The following PARVB variants were observed in gnomAD, a reference collection of about 807,000 sequenced individuals.
PARVB encodes beta-parvin.
In PARVB, 46 loss-of-function variants were observed where a neutral mutation model predicts 47.0. That is an observed-to-expected ratio of 0.98 (90% CI 0.77 to 1.25). The LOEUF is 1.25. Ranked by LOEUF, PARVB falls within the 50% of genes most tolerant of loss-of-function variation. The pLI, the probability that PARVB is intolerant of heterozygous loss-of-function variation, is 0.00. For synonymous variants in PARVB, 196 were observed against 196.3 expected, an observed-to-expected ratio of 1.00 and a Z score of 0.01; for missense variants, 473 against 471.6, an observed-to-expected ratio of 1.00 and a Z score of -0.03.
Position 44,172,609 on chromosome 22 carries a change from G to A in PARVB, c.*3931G>A, listed in dbSNP as rs573739063. The stretch of plus-strand genomic sequence containing the variant: ...AAGCACCGAGCCCAGAGTCCCGCTG[G>A]GCCGTGGTGTCCTAATTGTCTTGGT... On this transcript the variant is annotated 3_prime_UTR_variant, in exon 13 of 13. Transcript: ENST00000338758. 3 of 219,524 alleles carry A rather than the reference G, an allele frequency of 1.4e-5. No homozygotes were observed. Among genetic ancestry groups the A allele is most frequent in the East Asian group, 3.1e-4 (2 of 6,416 alleles). 13.6% of individuals were successfully genotyped at this position (219,524 alleles called of 1,614,324 possible).
intron 2 of PARVB, among the ~76,000 whole-genome samples, chr22:44,009,683 TTAA>T (rs1246178214): frequency 6.6e-6 from 1 of 151,242 alleles, no homozygotes; most frequent in Non-Finnish European, 1.5e-5. Flanking sequence ...AACTCTCTTG[TTAA>T]TATATAAACC....
At chr22:44,107,551 T>G (rs1035905994) in intron 3 of PARVB, 1 of 152,190 alleles carries the variant, frequency 6.6e-6, no homozygotes, top group African/African-American at 2.4e-5. Flanking sequence ...ACGAGGTGAC[T>G]CAGGGTGGGG....
intron 1 of PARVB, among the ~76,000 whole-genome samples, chr22:44,069,327 G>A (rs2034690527): frequency 6.6e-6 from 1 of 152,148 alleles, no homozygotes; most frequent in Admixed American, 6.5e-5. Flanking sequence ...TAGGACGATG[G>A]GCAAGGGGGT....
intron 1 of PARVB, among the ~76,000 whole-genome samples, chr22:44,090,603 G>A (rs986839373): frequency 2.0e-5 from 3 of 152,320 alleles, no homozygotes; most frequent in East Asian, 1.9e-4. Flanking sequence ...CACTTGCCCC[G>A]AGGTCTCCCT....
At chr22:44,048,106 G>A (rs1024782775) in intron 1 of PARVB, among the ~76,000 whole-genome samples, 9 of 152,286 alleles carry the variant, frequency 5.9e-5, no homozygotes, top group East Asian at 3.9e-4. Context: ...GAACAGATGC[G>A]CGGACACAGA....
Position 44,024,404 on chromosome 22 carries a change from T to TG in PARVB, c.68dup (p.Lys24GlnfsTer17). 8.0e-7 allele frequency: 1 copy of TG among 1,251,312 alleles called. No homozygotes were observed. The highest frequency in any genetic ancestry group is 1.0e-6 in the Non-Finnish European group (1 of 983,830). The allele number at this position is 1,251,312 out of a possible 1,614,324, so 77.5% of individuals were successfully genotyped here. A position where few individuals can be genotyped will look rare whatever the true frequency, so the allele number is the denominator to read the frequency against. On this transcript the variant is annotated frameshift_variant, in exon 1 of 13. Coordinates refer to ENST00000338758, the MANE Select transcript of PARVB (RefSeq NM_013327.5). LOFTEE classifies it high-confidence loss of function. ...AGGATGAAGAAGGACGAGTCGTTCC[T>TG]GGGCAAGCTGGGCGGCACCCTGGCC...
intron 1 of PARVB, among the ~76,000 whole-genome samples, chr22:44,071,822 T>A (rs2051660915): frequency 6.6e-6 from 1 of 152,254 alleles, no homozygotes. Flanking sequence ...TCTACTTTCC[T>A]TGTCAGTAAA....
intron 1 of PARVB, among the ~76,000 whole-genome samples, chr22:44,055,410 G>A (rs539492300): frequency 6.7e-6 from 1 of 149,228 alleles, no homozygotes; most frequent in Non-Finnish European, 1.5e-5. Flanking sequence ...TCTCGGCTCA[G>A]TGCAACCTCT....
chr22:44,117,296 C>T (rs2052930141), intron 3 of PARVB, among the ~76,000 whole-genome samples: 1 of 150,148 alleles, frequency 6.7e-6, no homozygotes, highest in South Asian at 2.1e-4. Flanking sequence ...ATGTAAGGGT[C>T]AGGGGAGTCA....
chr22:44,110,099 C>G (rs571290042), intron 3 of PARVB: 5 of 106,242 alleles, frequency 4.7e-5, no homozygotes, highest in African/African-American at 1.1e-4. Context: ...GGCGACAGAG[C>G]GAGACTCCGT....
At position 44,068,919 on chromosome 22, in the gene PARVB, T is replaced by G; in HGVS notation, c.113-25009T>G. ...CCCTGGCCCATGAGGCTGATGGGAG[T>G]CAAGACAGAAATAGTGGTCTGTGGT... On this transcript the variant is annotated intron_variant, in intron 1 of 12. Transcript: ENST00000338758. This position sits in a 1 kb window ranked among gnomAD's most constrained non-coding sequence, Gnocchi z 4.1. 6 of 544,892 alleles carry G rather than the reference T, an allele frequency of 1.1e-5. No individual in the cohort carries two copies. The highest frequency in any genetic ancestry group is 2.6e-5 in the South Asian group (1 of 37,810). 33.8% of individuals were successfully genotyped at this position (544,892 alleles called of 1,614,324 possible).
At chr22:44,086,742 G>C (rs1313466640) in intron 1 of PARVB, 1 of 985,262 alleles carries the variant, frequency 1.0e-6, no homozygotes, top group Non-Finnish European at 1.2e-6. Flanking sequence ...AAACTGCTCT[G>C]TTAAGAAGAC....
upstream of PARVB, among the ~76,000 whole-genome samples, chr22:44,019,330 C>T (rs910469174): frequency 1.3e-5 from 2 of 152,182 alleles, no homozygotes; most frequent in Non-Finnish European, 2.9e-5. Context: ...GGTGATTCTC[C>T]TGCCTCAGCC....
intron 3 of PARVB, among the ~76,000 whole-genome samples, chr22:44,118,088 AC>A (rs747515106): frequency 5.9e-5 from 9 of 152,186 alleles, no homozygotes; most frequent in Non-Finnish European, 1.3e-4. Flanking sequence ...ACTCACATCC[AC>A]AGAGAGACTT....
At chr22:44,110,109 T>A (rs2052659760) in intron 3 of PARVB, 1 of 59,862 alleles carries the variant, frequency 1.7e-5, no homozygotes, top group Non-Finnish European at 2.8e-5. Context: ...CGAGACTCCG[T>A]CTCAAAAAAA....
intron 1 of PARVB, among the ~76,000 whole-genome samples, chr22:44,037,675 T>C (rs2050945223): frequency 6.6e-6 from 1 of 152,192 alleles, no homozygotes; most frequent in Non-Finnish European, 1.5e-5. Flanking sequence ...AGTGTGGCTC[T>C]TCATTGCCGC....
chr22:44,007,554 T>A (rs1028553491), intron 2 of PARVB, among the ~76,000 whole-genome samples: 5 of 152,208 alleles, frequency 3.3e-5, no homozygotes, highest in African/African-American at 4.8e-5. Flanking sequence ...TCCTGTAGAT[T>A]CCTCTTCTCC....
intron 9 of PARVB, 109 bp from the exon 10 acceptor site, chr22:44,151,374 G>A: frequency 1.3e-6 from 1 of 785,530 alleles, no homozygotes; most frequent in South Asian, 1.4e-5. Flanking sequence ...AACAGGAGAT[G>A]ATGAAAGCGT....
chr22:44,095,275 A>T (rs1407826362), intron 2 of PARVB, among the ~76,000 whole-genome samples: 24 of 152,116 alleles, frequency 1.6e-4, no homozygotes, highest in Admixed American at 1.6e-3. Flanking sequence ...TTGGAAGGCC[A>T]AAGTGGACGG....
Sources: gnomAD v4.1 joint callset for allele counts (sites outside exome capture counted in the v4.1 genomes callset) on GRCh38, gnomAD v4.1.1 for gene constraint, Gnocchi (gnomAD v3.1) non-coding constraint, MANE v1.5 for transcripts, NCBI Gene and HGNC (gene_info 2026-07-23, HGNC 2026-07-21) for gene names.